Variants in PREX2 observed in about 807,000 individuals in gnomAD.
PREX2 encodes the protein phosphatidylinositol-3,4,5-trisphosphate dependent Rac exchange factor 2, also known as phosphatidylinositol 3,4,5-trisphosphate-dependent Rac exchanger 2 protein.
A neutral mutation model predicts 203.2 loss-of-function variants in PREX2; 107 were observed. The ratio of observed to expected loss-of-function variants is 0.53; its 90% CI spans 0.45 to 0.62. The LOEUF (loss-of-function observed/expected upper bound fraction) is 0.62, where lower values mean the gene tolerates loss of function less well. Ranked by LOEUF, PREX2 falls within the 20% of genes least tolerant of loss-of-function variation. The pLI is 0.00. For missense variants in PREX2, 1,777 were observed against 1,955.9 expected, an observed-to-expected ratio of 0.91 and a Z score of 1.72; for synonymous variants, 672 against 663.6, an observed-to-expected ratio of 1.01 and a Z score of -0.19.
intron 35 of PREX2, among the ~76,000 whole-genome samples, chr8:68,170,241 A>G (rs988640992): frequency 3.3e-5 from 5 of 152,358 alleles, no homozygotes; most frequent in Admixed American, 6.5e-5. Flanking sequence ...GTAGGGCTGT[A>G]TGTAGGCCAT....
intron 1 of PREX2, among the ~76,000 whole-genome samples, chr8:68,012,124 A>G (rs2129610024): frequency 6.6e-6 from 1 of 152,326 alleles, no homozygotes; most frequent in South Asian, 2.1e-4. Context: ...TACCAATCGT[A>G]TGCTGACAAA....
intron 1 of PREX2, among the ~76,000 whole-genome samples, chr8:68,001,324 C>T (rs1806932886): frequency 1.3e-5 from 2 of 152,224 alleles, no homozygotes; most frequent in African/African-American, 4.8e-5. Flanking sequence ...TGCATGCAGT[C>T]AACCAGCATG....
At chr8:68,133,170 C>T (rs964261221) in intron 31 of PREX2, among the ~76,000 whole-genome samples, 25 of 152,222 alleles carry the variant, frequency 1.6e-4, no homozygotes, top group Middle Eastern at 3.4e-3. Flanking sequence ...TGTGTCAGAA[C>T]ACAGGAAAAA....
intron 1 of PREX2, among the ~76,000 whole-genome samples, chr8:68,001,048 T>C (rs1208765735): frequency 6.6e-6 from 1 of 152,154 alleles, no homozygotes; most frequent in Non-Finnish European, 1.5e-5. Flanking sequence ...TCACAAATAT[T>C]TCATGATAAA....
chr8:68,072,426 C>G (rs2129611664), intron 13 of PREX2, 69 bp from the exon 14 acceptor site: 1 of 807,504 alleles, frequency 1.2e-6, no homozygotes, highest in Non-Finnish European at 2.1e-6. Context: ...AAAATATTTT[C>G]TTGTGCTTAC....
At chr8:68,135,110 TG>T (rs1422128162) in intron 32 of PREX2, among the ~76,000 whole-genome samples, 6 of 152,010 alleles carry the variant, frequency 3.9e-5, no homozygotes, top group Admixed American at 3.9e-4. Context: ...TGTGTGTGTG[TG>T]TGTGTGTGTG....
At chr8:68,022,652 C>T (rs185331914) in intron 4 of PREX2, among the ~76,000 whole-genome samples, 1 of 152,234 alleles carries the variant, frequency 6.6e-6, no homozygotes, top group East Asian at 1.9e-4. Context: ...GCAAACTAAT[C>T]GCTAGTGAGG....
At position 67,969,258 on chromosome 8, in the gene PREX2, A is replaced by G. The variant is rs189761093; in HGVS notation, c.141+16723A>G. On this transcript the variant is annotated intron_variant, in intron 1 of 39. Transcript: ENST00000288368. ...ATAAAGGAACCGGGGACAAGGGTTA[A>G]CCCAGCTCAGTTCTCTCTCTGTGGT... is the stretch of plus-strand genomic sequence containing the variant. 2.6e-4 allele frequency among the ~76,000 whole-genome samples: 40 copies of G among 151,986 alleles called. No individual in the cohort carries two copies. The East Asian group carries it at 7.8e-3, about 29-fold the overall frequency.
At chr8:67,980,953 G>A (rs991550314) in intron 1 of PREX2, among the ~76,000 whole-genome samples, 6 of 152,178 alleles carry the variant, frequency 3.9e-5, no homozygotes, top group African/African-American at 9.7e-5. Flanking sequence ...ACAACTGCGC[G>A]TGGCTTTCTT....
intron 35 of PREX2, among the ~76,000 whole-genome samples, chr8:68,183,499 A>G (rs1812129072): frequency 1.3e-5 from 2 of 152,170 alleles, no homozygotes; most frequent in Non-Finnish European, 2.9e-5. Context: ...TGGAGATAAT[A>G]TTCCCTAATG....
At chr8:68,086,404 T>C (rs771162025) in intron 18 of PREX2, among the ~76,000 whole-genome samples, 1 of 152,158 alleles carries the variant, frequency 6.6e-6, no homozygotes. Context: ...TGCAGATAAG[T>C]CCTGCTGTAT....
chr8:68,230,370 A>G (rs1012883370), intron 39 of PREX2, among the ~76,000 whole-genome samples: 6 of 152,200 alleles, frequency 3.9e-5, no homozygotes, highest in Non-Finnish European at 8.8e-5. Context: ...TGCAGCTTAT[A>G]TTTTGACATC....
chr8:68,072,879 T>A (rs1809240501), intron 14 of PREX2, among the ~76,000 whole-genome samples: 1 of 152,166 alleles, frequency 6.6e-6, no homozygotes, highest in Non-Finnish European at 1.5e-5. Context: ...AATATTTTTA[T>A]GTTTTTTACA....
chr8:68,217,521 C>T, intron 37 of PREX2, 95 bp from the exon 38 acceptor site: 1 of 833,846 alleles, frequency 1.2e-6, no homozygotes, highest in Non-Finnish European at 2.0e-6. Flanking sequence ...TTTATTTTGG[C>T]TGGTGCTTTC....
At chr8:68,127,549 A>G in intron 31 of PREX2, 130 bp downstream of exon 31, 1 of 552,900 alleles carries the variant, frequency 1.8e-6, no homozygotes. Context: ...CCTTCTCCAA[A>G]GCTTTGGAAA....
rs79537327 is a variant in PREX2 at position 68,195,215 on chromosome 8, T to C, written c.4604+2690T>C. On this transcript the variant is annotated intron_variant, in intron 37 of 39. Transcript: ENST00000288368. ...TTAGACTGGTATTGTATAAGAGAAA[T>C]AGTTTGATGTTCCACAGCTATTACT... 8.5e-4 allele frequency among the ~76,000 whole-genome samples: 129 copies of C among 152,320 alleles called. 2 individuals are homozygous for C. The East Asian group carries it at 0.024, about 28-fold the overall frequency.
In PREX2 at chr8:68,232,130, C is replaced by T. The variant is rs542999157; in HGVS notation, c.*752C>T. 1 of 152,230 alleles carries T rather than the reference C, an allele frequency of 6.6e-6. No individual in the cohort carries two copies. Among genetic ancestry groups the T allele is most frequent in the African/African-American group, 2.4e-5 (1 of 41,540 alleles). 9.4% of individuals were successfully genotyped at this position (152,230 alleles called of 1,614,324 possible). A position where few individuals can be genotyped will look rare whatever the true frequency, so the allele number is the denominator to read the frequency against. On this transcript the variant is annotated 3_prime_UTR_variant, in exon 40 of 40. Coordinates refer to ENST00000288368, the MANE Select transcript of PREX2 (RefSeq NM_024870.4). ...TGGGCCATGAATACTGGGTGCTGTG[C>T]CATAATGGCCCTGGGGATCAGGGAA...
At chr8:68,199,143 G>T (rs1242939012) in intron 37 of PREX2, among the ~76,000 whole-genome samples, 1 of 137,352 alleles carries the variant, frequency 7.3e-6, no homozygotes, top group Admixed American at 7.4e-5. Context: ...GGCATGGGGG[G>T]GTTCACCAGC....
chr8:68,045,827 G>A (rs1201231099), intron 8 of PREX2, among the ~76,000 whole-genome samples: 7 of 152,100 alleles, frequency 4.6e-5, no homozygotes, highest in Admixed American at 4.6e-4. Flanking sequence ...GACCTAGTCG[G>A]CTATCTTTCC....
Sources: allele counts gnomAD v4.1 joint callset (sites outside exome capture counted in the v4.1 genomes callset), GRCh38; gene constraint gnomAD v4.1.1; transcripts MANE v1.5; gene names NCBI Gene and HGNC (gene_info 2026-07-23, HGNC 2026-07-21).